Variants in GAS2 observed in about 807,000 individuals in gnomAD.
GAS2 encodes the protein growth arrest specific 2.
GAS2 carries 20 observed loss-of-function variants against 37.5 expected under a neutral mutation model. The ratio of observed to expected loss-of-function variants is 0.53; its 90% CI spans 0.37 to 0.77. GAS2 has a LOEUF of 0.77. Among genes scored for constraint, GAS2 ranks in the 30% least tolerant of loss-of-function variants. GAS2 has a pLI of 0.00. For synonymous variants in GAS2, 144 were observed against 132.2 expected, an observed-to-expected ratio of 1.09 and a Z score of -0.61; for missense variants, 336 against 373.4, an observed-to-expected ratio of 0.90 and a Z score of 0.82.
chr11:22,719,020 A>T (rs1299933975), intron 3 of GAS2, among the ~76,000 whole-genome samples: 17 of 152,212 alleles, frequency 1.1e-4, no homozygotes, highest in African/African-American at 4.1e-4. Context: ...TTTTGTAGAC[A>T]TTTTTTTAAA....
At chr11:22,755,497 G>A (rs752809204) in intron 6 of GAS2, among the ~76,000 whole-genome samples, 2 of 152,076 alleles carry the variant, frequency 1.3e-5, no homozygotes, top group Non-Finnish European at 2.9e-5. Context: ...TCAATAGGTT[G>A]ACCTTGACAA....
intron 7 of GAS2, among the ~76,000 whole-genome samples, chr11:22,792,259 C>A (rs1318384174): frequency 6.6e-6 from 1 of 151,980 alleles, no homozygotes; most frequent in African/African-American, 2.4e-5. Context: ...ATCCCTCTAA[C>A]AACAGTTGAA....
At chr11:22,724,439 G>A (rs903309525) in intron 3 of GAS2, among the ~76,000 whole-genome samples, 11 of 151,830 alleles carry the variant, frequency 7.2e-5, no homozygotes, top group Non-Finnish European at 1.2e-4. Flanking sequence ...TATTTTATGT[G>A]TAGAATATAT....
chr11:22,672,788 A>T (rs1849255627), intron 1 of GAS2: 1 of 148,536 alleles, frequency 6.7e-6, no homozygotes, highest in South Asian at 2.2e-4. Context: ...CTACAGGGAG[A>T]AGTTTTGTTT....
At chr11:22,718,556 G>T (rs1223946371) in intron 3 of GAS2, among the ~76,000 whole-genome samples, 1 of 151,762 alleles carries the variant, frequency 6.6e-6, no homozygotes, top group Non-Finnish European at 1.5e-5. Flanking sequence ...AGCACAATGG[G>T]TACATTGTAC....
chr11:22,695,941 T>A (rs1437299021), intron 3 of GAS2, among the ~76,000 whole-genome samples: 4 of 152,166 alleles, frequency 2.6e-5, no homozygotes, highest in East Asian at 1.9e-4. Context: ...GTTGTTTTTT[T>A]AAATTTTATT....
intron 3 of GAS2, among the ~76,000 whole-genome samples, chr11:22,686,617 A>T (rs1340760489): frequency 6.8e-6 from 1 of 145,992 alleles, no homozygotes; most frequent in African/African-American, 2.5e-5. Flanking sequence ...TGGCATCATG[A>T]CACATGTCTA....
At chr11:22,773,078 C>T (rs910175562) in intron 7 of GAS2, among the ~76,000 whole-genome samples, 2 of 152,072 alleles carry the variant, frequency 1.3e-5, no homozygotes, top group African/African-American at 4.8e-5. Context: ...CATACCTTGG[C>T]ACCTAGGGCT....
intron 2 of GAS2, among the ~76,000 whole-genome samples, chr11:22,678,227 A>G (rs1360270319): frequency 6.6e-6 from 1 of 152,182 alleles, no homozygotes; most frequent in African/African-American, 2.4e-5. Context: ...AGGTAGAAAA[A>G]TGCATTGTGT....
At chr11:22,739,149 A>G (rs1184185500) in intron 5 of GAS2, among the ~76,000 whole-genome samples, 1 of 152,194 alleles carries the variant, frequency 6.6e-6, no homozygotes. Context: ...GTGAAGGAGC[A>G]GGATAAAGAT....
intron 7 of GAS2, among the ~76,000 whole-genome samples, chr11:22,764,437 G>A (rs1315904388): frequency 6.6e-6 from 1 of 151,798 alleles, no homozygotes; most frequent in Non-Finnish European, 1.5e-5. Flanking sequence ...GCAGGCGACT[G>A]TAGTCCCCGC....
chr11:22,652,062 A>G (rs370325058), intron 1 of GAS2, among the ~76,000 whole-genome samples: 5 of 151,912 alleles, frequency 3.3e-5, no homozygotes, highest in East Asian at 1.9e-4. Context: ...ATCTACTTTT[A>G]GTCTTTGATG....
intron 1 of GAS2, chr11:22,626,624 G>C (rs1858658307): frequency 6.6e-6 from 1 of 152,162 alleles, no homozygotes; most frequent in African/African-American, 2.4e-5. Flanking sequence ...ACAAACATTT[G>C]TCAACTCCTA....
In GAS2 at chr11:22,750,321, G is replaced by A. The variant is rs115037088; in HGVS notation, c.615+1060G>A. Among the ~76,000 whole-genome samples, 1,149 of 152,154 alleles carry A rather than the reference G, an allele frequency of 7.6e-3. 22 individuals are homozygous for A. Among genetic ancestry groups the A allele is most frequent in the African/African-American group, 0.026 (1,082 of 41,528 alleles). On this transcript the variant is annotated intron_variant, in intron 6 of 7. Coordinates refer to ENST00000454584, the MANE Select transcript of GAS2 (RefSeq NM_001143830.3). Reference sequence around the variant, plus strand: ...TTGGACACTACAGGATGCAGAAAAAGAGATTTCTCTGACTTTTGCTTTTCT... The same window carrying A: ...TTGGACACTACAGGATGCAGAAAAAAAGATTTCTCTGACTTTTGCTTTTCT...
chr11:22,638,469 C>T (rs543794765), intron 1 of GAS2, among the ~76,000 whole-genome samples: 13 of 151,714 alleles, frequency 8.6e-5, no homozygotes, highest in South Asian at 4.2e-4. Flanking sequence ...CCTCAGCCTC[C>T]GAAGTAGCTA....
intron 1 of GAS2, among the ~76,000 whole-genome samples, chr11:22,641,246 A>ATATATATATCTTTATATATATATCTT (rs1433155618): frequency 6.9e-6 from 1 of 144,866 alleles, no homozygotes; most frequent in Non-Finnish European, 1.5e-5. Flanking sequence ...ATATGTGTAT[A>ATATATATATCTTTATATATATATCTT]TATATATATC....
At chr11:22,712,885 T>C (rs1851474745) in intron 3 of GAS2, among the ~76,000 whole-genome samples, 1 of 151,880 alleles carries the variant, frequency 6.6e-6, no homozygotes, top group African/African-American at 2.4e-5. Flanking sequence ...AAGACCAGAC[T>C]GGCCAACATG....
intron 7 of GAS2, among the ~76,000 whole-genome samples, chr11:22,770,159 T>A (rs1323856269): frequency 6.7e-6 from 1 of 150,220 alleles, no homozygotes; most frequent in Non-Finnish European, 1.5e-5. Flanking sequence ...GTAGGGGAGG[T>A]GAGGTGAGGA....
At chr11:22,700,129 T>C (rs924941840) in intron 3 of GAS2, among the ~76,000 whole-genome samples, 38 of 152,186 alleles carry the variant, frequency 2.5e-4, no homozygotes, top group African/African-American at 8.9e-4. Flanking sequence ...TGTTTCCTAG[T>C]CTTTATCCCT....
Sources: gnomAD v4.1 joint callset for allele counts (sites outside exome capture counted in the v4.1 genomes callset) on GRCh38, gnomAD v4.1.1 for gene constraint, MANE v1.5 for transcripts, NCBI Gene and HGNC (gene_info 2026-07-23, HGNC 2026-07-21) for gene names.